Variants in L3MBTL4 observed in about 807,000 individuals in gnomAD.
L3MBTL4 encodes L3MBTL histone methyl-lysine binding protein 4.
In L3MBTL4, 70 loss-of-function variants were observed where a neutral mutation model predicts 84.5. The observed-to-expected ratio is 0.83, with a 90% confidence interval of 0.68 to 1.01. The LOEUF (loss-of-function observed/expected upper bound fraction) is 1.01. Among genes scored for constraint, L3MBTL4 ranks in the 50% least tolerant of loss-of-function variants. L3MBTL4 has a pLI of 0.00. For synonymous variants in L3MBTL4, 274 were observed against 259.8 expected, an observed-to-expected ratio of 1.05 and a Z score of -0.52; for missense variants, 715 against 754.8, an observed-to-expected ratio of 0.95 and a Z score of 0.62.
chr18:5,961,025 G>A (rs963096293), intron 17 of L3MBTL4, among the ~76,000 whole-genome samples: 1 of 152,220 alleles, frequency 6.6e-6, no homozygotes. Context: ...CGCAGCAGGG[G>A]ATGAAAGGCA....
intron 13 of L3MBTL4, among the ~76,000 whole-genome samples, chr18:6,144,367 G>A (rs183649825): frequency 3.2e-4 from 49 of 152,190 alleles, no homozygotes; most frequent in Non-Finnish European, 1.5e-4. Context: ...GCTATATCAA[G>A]CAGCATGAAT....
At position 6,183,222 on chromosome 18, in the gene L3MBTL4, G is replaced by A. The variant is rs190225010; in HGVS notation, c.982-11280C>T. 8.3e-4 allele frequency among the ~76,000 whole-genome samples: 127 copies of A among 152,254 alleles called. 1 individual carries two copies. The highest frequency in any genetic ancestry group is 2.8e-3 in the African/African-American group (115 of 41,548). ...ATACCAGCCCTACTTGGGGCTCTGC[G>A]ACTACATGTCTGTGGGTGATATCTT... is the stretch of plus-strand genomic sequence containing the variant. On this transcript the variant is annotated intron_variant, in intron 12 of 18. Coordinates refer to ENST00000317931, the MANE Select transcript of L3MBTL4 (RefSeq NM_001330559.2).
At chr18:6,188,777 G>A (rs942323302) in intron 12 of L3MBTL4, among the ~76,000 whole-genome samples, 13 of 152,256 alleles carry the variant, frequency 8.5e-5, no homozygotes, top group African/African-American at 2.9e-4. Flanking sequence ...CCAGCACAGA[G>A]GCTGTGGGGA....
chr18:6,258,996 T>C (rs2048278887), intron 5 of L3MBTL4, among the ~76,000 whole-genome samples: 1 of 151,770 alleles, frequency 6.6e-6, no homozygotes, highest in Admixed American at 6.6e-5. Flanking sequence ...GGTTGGGAGC[T>C]GGAGTAGGCT....
chr18:6,083,676 C>G (rs1303615668), intron 15 of L3MBTL4, among the ~76,000 whole-genome samples: 1 of 152,192 alleles, frequency 6.6e-6, no homozygotes, highest in Non-Finnish European at 1.5e-5. Context: ...AAGCCTGGCC[C>G]ATAGCTTTTA....
chr18:6,401,893 A>G (rs1246230689), intron 1 of L3MBTL4, among the ~76,000 whole-genome samples: 3 of 152,230 alleles, frequency 2.0e-5, no homozygotes, highest in African/African-American at 4.8e-5. Context: ...CCAGGGGCGC[A>G]GCGCCATCAA....
At chr18:6,283,006 T>C (rs2049393192) in intron 4 of L3MBTL4, among the ~76,000 whole-genome samples, 1 of 152,172 alleles carries the variant, frequency 6.6e-6, no homozygotes, top group Non-Finnish European at 1.5e-5. Flanking sequence ...CATTCACTGA[T>C]CTTGGGAGCA....
intron 1 of L3MBTL4, among the ~76,000 whole-genome samples, chr18:6,400,133 T>C (rs1190922067): frequency 6.6e-6 from 1 of 152,212 alleles, no homozygotes; most frequent in African/African-American, 2.4e-5. Context: ...AGTTAGGAAG[T>C]TCTGCATCAT....
At chr18:5,982,466 A>G (rs1321200269) in intron 16 of L3MBTL4, among the ~76,000 whole-genome samples, 1 of 152,210 alleles carries the variant, frequency 6.6e-6, no homozygotes, top group African/African-American at 2.4e-5. Flanking sequence ...TCTCTGTCAC[A>G]TGAAATTCAC....
chr18:6,269,456 C>CA (rs2048774757), intron 4 of L3MBTL4, among the ~76,000 whole-genome samples: 3 of 151,250 alleles, frequency 2.0e-5, no homozygotes, highest in Non-Finnish European at 2.9e-5. Flanking sequence ...GACTCTGCCT[C>CA]AAAAAACAAA....
At chr18:6,408,738 G>A (rs891300163) in intron 1 of L3MBTL4, among the ~76,000 whole-genome samples, 8 of 150,862 alleles carry the variant, frequency 5.3e-5, no homozygotes, top group Non-Finnish European at 1.2e-4. Context: ...CTAGAGTGCA[G>A]TTGTGCAATC....
At chr18:6,140,672 C>T (rs2060170985) in intron 13 of L3MBTL4, among the ~76,000 whole-genome samples, 2 of 152,118 alleles carry the variant, frequency 1.3e-5, no homozygotes, top group Non-Finnish European at 2.9e-5. Flanking sequence ...ACCTCCCATT[C>T]TCCAGGATCT....
At chr18:6,303,148 T>C (rs2050419236) in intron 3 of L3MBTL4, among the ~76,000 whole-genome samples, 1 of 152,092 alleles carries the variant, frequency 6.6e-6, no homozygotes, top group South Asian at 2.1e-4. Context: ...GTTTTTGAGA[T>C]GAAGTCTTGC....
At chr18:6,106,685 T>C (rs2059020380) in intron 14 of L3MBTL4, among the ~76,000 whole-genome samples, 1 of 152,194 alleles carries the variant, frequency 6.6e-6, no homozygotes. Flanking sequence ...AAATGGAAAT[T>C]TAAATATTTC....
chr18:6,188,006 A>C (rs566297233), intron 12 of L3MBTL4, among the ~76,000 whole-genome samples: 67 of 152,096 alleles, frequency 4.4e-4, no homozygotes, highest in Non-Finnish European at 8.4e-4. Context: ...TCAAAACAAA[A>C]AAAAAAATCA....
intron 1 of L3MBTL4, among the ~76,000 whole-genome samples, chr18:6,366,159 T>C (rs571197766): frequency 2.6e-5 from 4 of 152,364 alleles, no homozygotes; most frequent in African/African-American, 9.6e-5. Flanking sequence ...GTCTAAAATT[T>C]ATAAACTTAA....
At chr18:6,383,254 G>A (rs2054674267) in intron 1 of L3MBTL4, among the ~76,000 whole-genome samples, 1 of 152,116 alleles carries the variant, frequency 6.6e-6, no homozygotes, top group Non-Finnish European at 1.5e-5. Context: ...GGCTCCGTGG[G>A]GGTAGGACCT....
intron 13 of L3MBTL4, among the ~76,000 whole-genome samples, chr18:6,150,924 A>G (rs1170222665): frequency 1.2e-4 from 19 of 152,214 alleles, no homozygotes; most frequent in Non-Finnish European, 5.9e-5. Flanking sequence ...TTCAAATTCT[A>G]ACTTTCCAAT....
chr18:6,410,714 GT>G (rs1461879562), intron 1 of L3MBTL4, among the ~76,000 whole-genome samples: 1 of 152,130 alleles, frequency 6.6e-6, no homozygotes, highest in Non-Finnish European at 1.5e-5. Flanking sequence ...ATCTCCTGCG[GT>G]CCCCACCTGA....
Sources: gnomAD v4.1 joint callset for allele counts (sites outside exome capture counted in the v4.1 genomes callset) on GRCh38, gnomAD v4.1.1 for gene constraint, MANE v1.5 for transcripts, NCBI Gene and HGNC (gene_info 2026-07-23, HGNC 2026-07-21) for gene names.